The following VPS33B variants were observed in gnomAD, a reference collection of about 807,000 sequenced individuals.
VPS33B encodes VPS33B late endosome and lysosome associated.
A neutral mutation model predicts 95.3 loss-of-function variants in VPS33B; 80 were observed. The observed-to-expected ratio is 0.84, with a 90% CI of 0.70 to 1.01. VPS33B has a LOEUF of 1.01. Among genes scored for constraint, VPS33B ranks in the 50% least tolerant of loss-of-function variants. The pLI, the probability that VPS33B is intolerant of heterozygous loss-of-function variation, is 0.00. For missense variants in VPS33B, 715 were observed against 773.4 expected (o/e 0.92, Z 0.90); for synonymous variants, 280 against 280.4 (o/e 1.00, Z 0.01).
chr15:91,017,149 T>C (rs1238375552), intron 2 of VPS33B, 125 bp from the exon 3 acceptor site: 5 of 842,428 alleles, frequency 5.9e-6, no homozygotes, highest in South Asian at 1.4e-5. Context: ...TTCCTAATTA[T>C]GCTAATTATG....
chr15:90,998,959 C>G lies in VPS33B; in HGVS notation c.*16G>C, dbSNP rs139232202. The G allele has an allele frequency of 2.4e-4, 395 of 1,613,902 alleles. No homozygotes were observed. The African/African-American group carries it at 4.9e-3, about 20-fold the overall frequency. ...AATGTGTTCAGGGAAGATGTCAACA[C>G]TGGCCGGGAAAAACATCAGGCTTTC... On this transcript the variant is annotated 3_prime_UTR_variant, in exon 23 of 23. Coordinates refer to ENST00000333371, the MANE Select transcript of VPS33B (RefSeq NM_018668.5). The surrounding 1 kb of genome is among the most constrained non-coding windows in gnomAD (Gnocchi z 4.8).
chr15:91,008,117 A>AAC (rs1020126098), intron 6 of VPS33B, among the ~76,000 whole-genome samples, 153 bp from the exon 7 acceptor site: 6 of 152,206 alleles, frequency 3.9e-5, no homozygotes. Context: ...CTCAAAGAAG[A>AAC]ATAAGACACA....
chr15:91,019,038 C>T lies in VPS33B; in HGVS notation c.97-1153G>A, dbSNP rs187392515. On this transcript the variant is annotated intron_variant, in intron 1 of 22. Transcript: ENST00000333371. ...CCATCTTGGCCAGGCTGGTCTTGAA[C>T]TCCTGACCTCATGATCCACCTGCCT... 1.3e-3 allele frequency among the ~76,000 whole-genome samples: 190 copies of T among 149,910 alleles called. 1 individual carries two copies. Among genetic ancestry groups the T allele is most frequent in the Middle Eastern group, 0.011 (3 of 278 alleles).
rs1555460460 is a variant in VPS33B, at chr15:91,017,365, T to TTAAAAAAAAAAAAAAAAAAAA, written c.178-342_178-341insTTTTTTTTTTTTTTTTTTTTA. 1.1e-3 allele frequency among the ~76,000 whole-genome samples: 18 copies of TTAAAAAAAAAAAAAAAAAAAA among 16,996 alleles called. 5 individuals are homozygous for TTAAAAAAAAAAAAAAAAAAAA. Among genetic ancestry groups the TTAAAAAAAAAAAAAAAAAAAA allele is most frequent in the Admixed American group, 5.6e-3 (6 of 1,062 alleles). The allele number at this position is 16,996 out of a possible 152,430, so 11.2% of individuals were successfully genotyped here. On this transcript the variant is annotated intron_variant, in intron 2 of 22. Transcript: ENST00000333371. ...TAACAAGACTCCATCTCTACAAAAT[T>TTAAAAAAAAAAAAAAAAAAAA]AAATATATATATATATATATATATA...
Position 91,006,925 on chromosome 15 carries a change from G to A in VPS33B, c.700+25C>T. On this transcript the variant is annotated intron_variant, in intron 9 of 22. Coordinates refer to ENST00000333371, the MANE Select transcript of VPS33B (RefSeq NM_018668.5). This position sits in a 1 kb window ranked among gnomAD's most constrained non-coding sequence, Gnocchi z 5.4. ...CCCGTGTCTTCTAGGGCTGAAAGAT[G>A]ACAGGAACGCTGGGCATAATTTACC... is the stretch of plus-strand genomic sequence containing the variant. 1 of 1,613,396 alleles carries A rather than the reference G, an allele frequency of 6.2e-7. No homozygotes were observed. The highest frequency in any genetic ancestry group is 1.1e-5 in the South Asian group (1 of 91,016).
Position 91,004,481 on chromosome 15 carries a change from G to A in VPS33B, c.1225+396C>T, listed in dbSNP as rs2040540821. 2.0e-5 allele frequency among the ~76,000 whole-genome samples: 3 copies of A among 152,122 alleles called. No homozygotes were observed. The South Asian group carries it at 6.2e-4, about 31-fold the overall frequency. ...ATCGCACCACTGTACTCCAGCATGG[G>A]TGACAGAGCGAGACTCTTGTCTCAA... On this transcript the variant is annotated intron_variant, in intron 16 of 22. Coordinates refer to ENST00000333371, the MANE Select transcript of VPS33B (RefSeq NM_018668.5).
chr15:90,999,514 T>C lies in VPS33B; in HGVS notation c.1774+163A>G. ...TTGTATTTTTCGTAGAGATGGGGTT[T>C]CACCATGTTGGTCAGGCTAGGCTCT... is the stretch of plus-strand genomic sequence containing the variant. On this transcript the variant is annotated intron_variant, in intron 22 of 22. Transcript: ENST00000333371. This position sits in a 1 kb window ranked among gnomAD's most constrained non-coding sequence, Gnocchi z 5.1. 2 of 779,756 alleles carry C rather than the reference T, an allele frequency of 2.6e-6. No homozygotes were observed. The highest frequency in any genetic ancestry group is 1.4e-5 in the South Asian group (1 of 73,180). 48.3% of individuals were successfully genotyped at this position (779,756 alleles called of 1,614,324 possible).
Position 91,022,328 on chromosome 15 carries a change from G to A in VPS33B, c.-79C>T. The stretch of plus-strand genomic sequence containing the variant: ...CCGGCCGCAGCCCAGGGAAGCGCAA[G>A]GGGGGCTATCCTTCAGGCCTGGGCA... On this transcript the variant is annotated 5_prime_UTR_variant, in exon 1 of 23. Transcript: ENST00000333371. 1 of 1,426,926 alleles carries A rather than the reference G, an allele frequency of 7.0e-7. No individual in the cohort carries two copies. The highest frequency in any genetic ancestry group is 9.4e-7 in the Non-Finnish European group (1 of 1,060,356). 88.4% of individuals were successfully genotyped at this position (1,426,926 alleles called of 1,614,324 possible). A position where few individuals can be genotyped will look rare whatever the true frequency, so the allele number is the denominator to read the frequency against.
chr15:91,012,188 C>T (rs1427723442), intron 5 of VPS33B, among the ~76,000 whole-genome samples: 3 of 152,048 alleles, frequency 2.0e-5, no homozygotes, highest in Non-Finnish European at 2.9e-5. Flanking sequence ...AATTTCTTGC[C>T]CTGGTAATAA....
chr15:91,016,414 G>A (rs1031673073), intron 3 of VPS33B, among the ~76,000 whole-genome samples: 1 of 107,254 alleles, frequency 9.3e-6, no homozygotes, highest in African/African-American at 3.7e-5. Flanking sequence ...ATGGAGTCTT[G>A]CTCTGTCACC....
intron 1 of VPS33B, 122 bp downstream of exon 1, chr15:91,022,032 G>T: frequency 8.8e-7 from 1 of 1,136,188 alleles, no homozygotes; most frequent in Non-Finnish European, 1.3e-6. Flanking sequence ...GGACCTGCTG[G>T]GGAAGCGCCA....
Position 91,005,800 on chromosome 15 carries a change from C to T in VPS33B, c.940-16G>A. 1 of 1,614,182 alleles carries T rather than the reference C, an allele frequency of 6.2e-7. No individual in the cohort carries two copies. Reference sequence around the variant, plus strand: ...CTCTCCGGCGCTGTGGGAAAATTCCCAAAGGTGAACCCCCCAACCTCAGAC... The same window carrying T: ...CTCTCCGGCGCTGTGGGAAAATTCCTAAAGGTGAACCCCCCAACCTCAGAC... On this transcript the variant is annotated splice_polypyrimidine_tract_variant and intron_variant, in intron 12 of 22. Transcript: ENST00000333371. This position sits in a 1 kb window ranked among gnomAD's most constrained non-coding sequence, Gnocchi z 6.4.
At position 91,005,687 on chromosome 15, in the gene VPS33B, A is replaced by C. The variant is rs768883256; in HGVS notation, c.1030+7T>G. 2.5e-6 allele frequency: 4 copies of C among 1,614,098 alleles called. No homozygotes were observed. The East Asian group carries it at 8.9e-5, about 36-fold the overall frequency. On this transcript the variant is annotated splice_region_variant and intron_variant, in intron 13 of 22. Coordinates refer to ENST00000333371, the MANE Select transcript of VPS33B (RefSeq NM_018668.5). The surrounding 1 kb of genome is among the most constrained non-coding windows in gnomAD (Gnocchi z 6.4). ...CTTCCCCTCACGCCCCTCAAGCTGA[A>C]ACCTACGGAGACTCAGCAGGCGGTG...
At chr15:91,003,946 G>A (rs2040518983) in intron 16 of VPS33B, among the ~76,000 whole-genome samples, 1 of 152,114 alleles carries the variant, frequency 6.6e-6, no homozygotes, top group Non-Finnish European at 1.5e-5. Flanking sequence ...ACCTTTGGCC[G>A]GGCACAGTAG....
intron 5 of VPS33B, among the ~76,000 whole-genome samples, chr15:91,012,195 A>G (rs969420323): frequency 6.6e-6 from 1 of 152,188 alleles, no homozygotes; most frequent in African/African-American, 2.4e-5. Context: ...TGCCCTGGTA[A>G]TAATACTTCA....
intron 1 of VPS33B, among the ~76,000 whole-genome samples, chr15:91,021,292 T>C (rs1398732912): frequency 1.3e-5 from 2 of 152,208 alleles, no homozygotes; most frequent in African/African-American, 4.8e-5. Flanking sequence ...TCCATTAAAA[T>C]CACAGTGGCA....
Position 91,002,016 on chromosome 15 carries a change from G to A in VPS33B, c.1405+34C>T, listed in dbSNP as rs551304463. ...CGTGTTGAGAGAAGTCAGGACAACAGCTGGAGCAGGGGTCACTTGTGCTCC... is the reference window on the plus strand; with the variant it reads ...CGTGTTGAGAGAAGTCAGGACAACAACTGGAGCAGGGGTCACTTGTGCTCC... On this transcript the variant is annotated intron_variant, in intron 18 of 22. Coordinates refer to ENST00000333371, the MANE Select transcript of VPS33B (RefSeq NM_018668.5). This position sits in a 1 kb window ranked among gnomAD's most constrained non-coding sequence, Gnocchi z 4.7. The A allele has an allele frequency of 4.8e-5, 77 of 1,612,922 alleles. 1 individual carries two copies. In the South Asian group the frequency reaches 7.7e-4, roughly 16 times the overall value.
At chr15:91,001,623 C>G (rs2040440958) in intron 18 of VPS33B, among the ~76,000 whole-genome samples, 161 bp from the exon 19 acceptor site, 1 of 152,180 alleles carries the variant, frequency 6.6e-6, no homozygotes, top group Non-Finnish European at 1.5e-5. Context: ...TACTCCCCAC[C>G]CTTCTCCCCA....
Position 90,999,411 on chromosome 15 carries a change from C to T in VPS33B, c.1774+266G>A, listed in dbSNP as rs1381325947. 8.3e-5 allele frequency: 42 copies of T among 506,372 alleles called. No individual in the cohort carries two copies. The highest frequency in any genetic ancestry group is 3.1e-4 in the South Asian group (16 of 51,058). The allele number at this position is 506,372 out of a possible 1,614,324, so 31.4% of individuals were successfully genotyped here. A position where few individuals can be genotyped will look rare whatever the true frequency, so the allele number is the denominator to read the frequency against. On this transcript the variant is annotated intron_variant, in intron 22 of 22. Transcript: ENST00000333371. This position sits in a 1 kb window ranked among gnomAD's most constrained non-coding sequence, Gnocchi z 5.1. The stretch of plus-strand genomic sequence containing the variant: ...TCAGCTCACTGCAACCTCCACCTCC[C>T]GGGTTCAAGCAATTCTCCTGCCTCA...
Sources: allele counts gnomAD v4.1 joint callset (sites outside exome capture counted in the v4.1 genomes callset), GRCh38; gene constraint gnomAD v4.1.1; non-coding constraint Gnocchi (gnomAD v3.1); transcripts MANE v1.5; gene names NCBI Gene and HGNC (gene_info 2026-07-23, HGNC 2026-07-21).